The following ACSL5 variants were observed in gnomAD, a reference collection of about 807,000 sequenced individuals.
ACSL5 encodes acyl-CoA synthetase long chain family member 5.
A neutral mutation model predicts 84.9 loss-of-function variants in ACSL5; 50 were observed. That is an observed-to-expected ratio of 0.59 (90% CI 0.47 to 0.75). The LOEUF is 0.75. ACSL5 is among the 30% of genes least tolerant of loss of function. The pLI is 0.00. For synonymous variants in ACSL5, 280 were observed against 300.7 expected, an observed-to-expected ratio of 0.93 and a Z score of 0.71; for missense variants, 775 against 830.4, an observed-to-expected ratio of 0.93 and a Z score of 0.82.
At chr10:112,392,811 A>G (rs1843672481) in intron 1 of ACSL5, among the ~76,000 whole-genome samples, 3 of 151,546 alleles carry the variant, frequency 2.0e-5, no homozygotes, top group Admixed American at 2.0e-4. Flanking sequence ...GTTATTCAGG[A>G]GCCTGAGGTG....
Position 112,389,337 on chromosome 10 carries a change from G to A in ACSL5, c.-29-5581G>A, listed in dbSNP as rs958857793. ...TCATCCATCCACAGGAGAGGGGAAG[G>A]CCCTGGAGTGGATCAAGGACAAGGA... On this transcript the variant is annotated intron_variant, in intron 1 of 20. Transcript: ENST00000354655. Among the ~76,000 whole-genome samples, 5 of 152,166 alleles carry A rather than the reference G, an allele frequency of 3.3e-5. No individual in the cohort carries two copies. In the South Asian group the frequency reaches 6.2e-4, roughly 19 times the overall value.
At chr10:112,403,747 A>G in intron 3 of ACSL5, among the ~76,000 whole-genome samples, 1 of 152,314 alleles carries the variant, frequency 6.6e-6, no homozygotes, top group Non-Finnish European at 1.5e-5. Context: ...CCCTTATTAT[A>G]TTTTAGGGGC....
At chr10:112,419,100 A>ATGTGTGTGTGTG (rs1159390786) in intron 14 of ACSL5, among the ~76,000 whole-genome samples, 1 of 62,998 alleles carries the variant, frequency 1.6e-5, no homozygotes. Context: ...CACACAATGT[A>ATGTGTGTGTGTG]TCTGTGTGTG....
intron 3 of ACSL5, among the ~76,000 whole-genome samples, chr10:112,401,840 C>CT (rs200194853): frequency 0.035 from 1,736 of 50,082 alleles, 24 homozygotes; most frequent in East Asian, 0.12. Flanking sequence ...TTCTTTCTTT[C>CT]TTCCTTCCTT....
intron 1 of ACSL5, 32 bp from the exon 2 acceptor site, chr10:112,394,886 C>T: frequency 6.2e-7 from 1 of 1,606,410 alleles, no homozygotes; most frequent in Non-Finnish European, 8.5e-7. Flanking sequence ...GCCATTTCCT[C>T]TAAATTTTCT....
intron 14 of ACSL5, among the ~76,000 whole-genome samples, chr10:112,418,631 T>C (rs1336755486): frequency 6.6e-6 from 1 of 152,122 alleles, no homozygotes; most frequent in East Asian, 1.9e-4. Flanking sequence ...ACTTAACTAC[T>C]AGTAGACTAC....
chr10:112,404,711 G>T lies in ACSL5; in HGVS notation c.337G>T (p.Asp113Tyr). 1 of 1,613,770 alleles carries T rather than the reference G, an allele frequency of 6.2e-7. No homozygotes were observed. Among genetic ancestry groups the T allele is most frequent in the Non-Finnish European group, 8.5e-7 (1 of 1,179,796 alleles). ...CCATCTCTCTTTTTTGTAGGTGTCT[G>T]ATAGAGCAGAGTACCTGGGTTCCTG... ...YRWLSYKQVS[D>Y]RAEYLGSCLL... Residue 113 changes from aspartate to tyrosine, a missense_variant, in exon 5 of 21, where the codon GAT (aspartate) becomes TAT (tyrosine). Physicochemically the swap from Asp to Tyr is radical, Grantham distance 160. Transcript: ENST00000354655.
At chr10:112,391,499 A>G (rs947953564) in intron 1 of ACSL5, among the ~76,000 whole-genome samples, 5 of 152,198 alleles carry the variant, frequency 3.3e-5, no homozygotes, top group African/African-American at 1.2e-4. Context: ...TCCTTCCTTC[A>G]TTGTCTTCCT....
rs769721786 is a variant in ACSL5 at position 112,417,842 on chromosome 10, A to C, written c.1219-4A>C. 2.5e-6 allele frequency: 4 copies of C among 1,613,914 alleles called. No individual in the cohort carries two copies. The East Asian group carries it at 8.9e-5, about 36-fold the overall frequency. ...TTAGTATGTCTTTTGTTTCCACTGA[A>C]CAGGACAGCCTGGGCGGAAGGGTTC... On this transcript the variant is annotated splice_polypyrimidine_tract_variant and splice_region_variant and intron_variant, in intron 13 of 20. Coordinates refer to ENST00000354655, the MANE Select transcript of ACSL5 (RefSeq NM_203379.2).
Position 112,413,274 on chromosome 10 carries a change from G to C in ACSL5, c.1050G>C (p.Ala350=). 6.2e-7 allele frequency: 1 copy of C among 1,614,142 alleles called. No individual in the cohort carries two copies. The highest frequency in any genetic ancestry group is 8.5e-7 in the Non-Finnish European group (1 of 1,180,020). ...MKTLKPTLFP[A]VPRLLNRIYD... is the part of the protein sequence containing the mutation. ...CTTTGAAGCCCACATTGTTTCCCGC[G>C]GTGCCTCGACTCCTTAACAGGATCT... Residue 350 remains alanine, a synonymous_variant, in exon 12 of 21, where the codon GCG becomes GCC. Coordinates refer to ENST00000354655, the MANE Select transcript of ACSL5 (RefSeq NM_203379.2).
chr10:112,422,163 A>G, intron 16 of ACSL5, 128 bp downstream of exon 16: 1 of 1,182,348 alleles, frequency 8.5e-7, no homozygotes, highest in Non-Finnish European at 1.2e-6. Flanking sequence ...AGCATTCTGA[A>G]CTTCACTTTC....
intron 1 of ACSL5, among the ~76,000 whole-genome samples, chr10:112,383,023 C>A (rs1220451091): frequency 6.6e-6 from 1 of 152,156 alleles, no homozygotes; most frequent in Non-Finnish European, 1.5e-5. Context: ...AATCCCAGAA[C>A]TTTAGGAGGC....
At chr10:112,424,090 G>A (rs77229576) in intron 17 of ACSL5, among the ~76,000 whole-genome samples, 3,876 of 152,308 alleles carry the variant, frequency 0.025, 72 homozygotes, top group Non-Finnish European at 0.039. Context: ...ATCAAAACAA[G>A]GAAGAAGGAT....
chr10:112,376,398 C>T (rs772895424), intron 1 of ACSL5: 5 of 1,613,968 alleles, frequency 3.1e-6, no homozygotes, highest in African/African-American at 1.3e-5. Context: ...AACTCAGAGC[C>T]GGGAAGCCCC....
chr10:112,390,874 A>G (rs1177932449), intron 1 of ACSL5, among the ~76,000 whole-genome samples: 1 of 152,212 alleles, frequency 6.6e-6, no homozygotes, highest in African/African-American at 2.4e-5. Context: ...AATCCATAGC[A>G]ACAGAAAGCA....
intron 5 of ACSL5, among the ~76,000 whole-genome samples, chr10:112,405,778 T>A (rs1311512138): frequency 6.6e-6 from 1 of 152,206 alleles, no homozygotes; most frequent in East Asian, 1.9e-4. Context: ...TTAACACATA[T>A]TTTGTATGTT....
intron 5 of ACSL5, among the ~76,000 whole-genome samples, chr10:112,407,936 G>T (rs893830446): frequency 1.3e-5 from 2 of 151,858 alleles, no homozygotes; most frequent in African/African-American, 4.8e-5. Context: ...AGTTGTCCCT[G>T]TGCCTTTCTT....
intron 1 of ACSL5, among the ~76,000 whole-genome samples, chr10:112,388,843 T>C (rs1849503876): frequency 6.6e-6 from 1 of 152,120 alleles, no homozygotes; most frequent in Non-Finnish European, 1.5e-5. Flanking sequence ...GCCTGACCTA[T>C]CAGCAATACA....
At position 112,404,757 on chromosome 10, in the gene ACSL5, A is replaced by AAAC; in HGVS notation, c.384_385insACA (p.Lys128_Ser129insThr). ...TCCTGTCTCTTGCATAAAGGTTATA[A>AAAC]ATCATCACCAGACCAGTTTGTCGGC... On this transcript the variant is annotated inframe_insertion, in exon 5 of 21. Coordinates refer to ENST00000354655, the MANE Select transcript of ACSL5 (RefSeq NM_203379.2). 6.2e-7 allele frequency: 1 copy of AAAC among 1,614,032 alleles called. No homozygotes were observed. The highest frequency in any genetic ancestry group is 1.3e-5 in the African/African-American group (1 of 75,018).
Sources: allele counts gnomAD v4.1 joint callset (sites outside exome capture counted in the v4.1 genomes callset), GRCh38; gene constraint gnomAD v4.1.1; transcripts MANE v1.5; gene names NCBI Gene and HGNC (gene_info 2026-07-23, HGNC 2026-07-21).